PHF20L1: variants seen among roughly 807,000 people sequenced by gnomAD.
PHF20L1 encodes PHD finger protein 20-like protein 1.
Under a neutral mutation model 125.5 loss-of-function variants are expected in PHF20L1, and 44 were observed. The observed-to-expected ratio is 0.35, with a 90% confidence interval of 0.28 to 0.45. PHF20L1 has a LOEUF of 0.45. Ranked by LOEUF, PHF20L1 falls within the 20% of genes least tolerant of loss-of-function variation. PHF20L1 has a pLI of 1.00. For missense variants in PHF20L1, 1,012 were observed against 1,217.2 expected (o/e 0.83, Z 2.51); for synonymous variants, 380 against 403.1 (o/e 0.94, Z 0.69).
intron 2 of PHF20L1, 146 bp downstream of exon 2, chr8:132,778,057 C>A: frequency 1.7e-6 from 1 of 579,068 alleles, no homozygotes; most frequent in Non-Finnish European, 3.1e-6. Flanking sequence ...TTTTAGTTTT[C>A]CTACTCTTTA....
intron 2 of PHF20L1, among the ~76,000 whole-genome samples, chr8:132,791,414 C>A (rs1457157301): frequency 6.6e-6 from 1 of 151,910 alleles, no homozygotes; most frequent in Non-Finnish European, 1.5e-5. Flanking sequence ...CCACCATGGC[C>A]GGCAAATTTT....
intron 9 of PHF20L1, chr8:132,811,919 A>G: frequency 2.4e-5 from 23 of 977,192 alleles, no homozygotes; most frequent in Non-Finnish European, 2.8e-5. Context: ...CTAATAAAGA[A>G]GACTTTGAGT....
rs1319795722 is a variant in PHF20L1 at position 132,844,218 on chromosome 8, A to T, written c.2811A>T (p.Gly937=). ...ATAAAAAGGGCACCGAAGACCCAGG[A>T]GACTCACATCTTCAGTGGCAGCTCA... ...YNDKKGTEDP[G]DSHLQWQLNL... The change falls in exon 20 of 21, where the codon GGA becomes GGT. Residue 937 remains glycine, a synonymous_variant. Transcript: ENST00000395386. The T allele has an allele frequency of 6.2e-7, 1 of 1,612,886 alleles. No homozygotes were observed. The highest frequency in any genetic ancestry group is 1.3e-5 in the African/African-American group (1 of 74,856).
At chr8:132,836,438 ATGTTT>A in intron 15 of PHF20L1, 97 bp from the exon 16 acceptor site, 1 of 732,906 alleles carries the variant, frequency 1.4e-6, no homozygotes, top group Non-Finnish European at 2.2e-6. Context: ...CCTTTTTAAA[ATGTTT>A]AATAGCTTAT....
chr8:132,792,021 T>C (rs150966221), intron 2 of PHF20L1, among the ~76,000 whole-genome samples: 143 of 152,354 alleles, frequency 9.4e-4, no homozygotes, highest in African/African-American at 3.1e-3. Context: ...AAAATAAAGA[T>C]GTGTTTAACT....
At chr8:132,805,773 T>C (rs1031394381) in intron 8 of PHF20L1, among the ~76,000 whole-genome samples, 1 of 151,992 alleles carries the variant, frequency 6.6e-6, no homozygotes, top group Non-Finnish European at 1.5e-5. Flanking sequence ...ATATTGTTCA[T>C]CTAAGTGATT....
chr8:132,776,302 C>G (rs1260483409), intron 1 of PHF20L1, among the ~76,000 whole-genome samples: 1 of 152,100 alleles, frequency 6.6e-6, no homozygotes, highest in Non-Finnish European at 1.5e-5. Context: ...ATTATGGGCT[C>G]TAAGTTTGAT....
chr8:132,792,604 A>C (rs1303404699), intron 2 of PHF20L1, among the ~76,000 whole-genome samples: 1 of 152,200 alleles, frequency 6.6e-6, no homozygotes, highest in Non-Finnish European at 1.5e-5. Flanking sequence ...ACGCCTGCAG[A>C]CATTCCCGCC....
Position 132,814,789 on chromosome 8 carries a change from G to T in PHF20L1, c.1083G>T (p.Gly361=), listed in dbSNP as rs1413425605. ...KCKHESGDSS[G]CIKPPKSPLS... ...AACATGAATCTGGAGATTCTTCTGG[G>T]TGTATAAAACCCCCTAAATCACCAC... The change falls in exon 10 of 21, where the codon GGG becomes GGT. Residue 361 remains glycine (G), a synonymous_variant. Transcript: ENST00000395386. 3 of 1,612,768 alleles carry T rather than the reference G, an allele frequency of 1.9e-6. No homozygotes were observed. The highest frequency in any genetic ancestry group is 1.1e-5 in the South Asian group (1 of 91,026).
chr8:132,778,084 C>T (rs1048385708), intron 2 of PHF20L1, among the ~76,000 whole-genome samples, 173 bp downstream of exon 2: 32 of 152,054 alleles, frequency 2.1e-4, no homozygotes, highest in African/African-American at 7.0e-4. Context: ...TTAGGTTTAG[C>T]ATTTAAAAAC....
chr8:132,805,669 T>A (rs1036866848), intron 8 of PHF20L1, among the ~76,000 whole-genome samples: 1 of 151,948 alleles, frequency 6.6e-6, no homozygotes, highest in African/African-American at 2.4e-5. Context: ...TAGGAATACA[T>A]GTAAACTAAA....
At chr8:132,796,502 C>T (rs1832406653) in intron 4 of PHF20L1, among the ~76,000 whole-genome samples, 1 of 152,048 alleles carries the variant, frequency 6.6e-6, no homozygotes, top group Non-Finnish European at 1.5e-5. Context: ...TCATAGTAGT[C>T]TAGCTAGAAA....
At chr8:132,798,486 CATTT>C (rs1292102860) in intron 4 of PHF20L1, among the ~76,000 whole-genome samples, 3 of 152,074 alleles carry the variant, frequency 2.0e-5, no homozygotes, top group Non-Finnish European at 4.4e-5. Flanking sequence ...TGAGTCTAAA[CATTT>C]AAATTACTGC....
At chr8:132,835,407 C>T (rs1199686677) in intron 15 of PHF20L1, among the ~76,000 whole-genome samples, 10 of 152,118 alleles carry the variant, frequency 6.6e-5, no homozygotes, top group Admixed American at 6.6e-4. Context: ...GTTTTCCTAA[C>T]ATTTCTCCAT....
At position 132,805,095 on chromosome 8, in the gene PHF20L1, T is replaced by G. The variant is rs192851846; in HGVS notation, c.847+355T>G. Among the ~76,000 whole-genome samples the G allele has an allele frequency of 2.8e-4, 43 of 152,060 alleles. No homozygotes were observed. In the East Asian group the frequency reaches 8.3e-3, roughly 29 times the overall value. On this transcript the variant is annotated intron_variant, in intron 8 of 20. Coordinates refer to ENST00000395386, the MANE Select transcript of PHF20L1 (RefSeq NM_016018.5). ...ACACAGTTTCTCAGATTTTAAATTT[T>G]TTTATACATTCTTCTACTTGACCAG...
chr8:132,792,964 C>CTTTTT (rs370724463), intron 2 of PHF20L1, among the ~76,000 whole-genome samples: 1 of 129,636 alleles, frequency 7.7e-6, no homozygotes, highest in Non-Finnish European at 1.6e-5. Context: ...CCCCTTTTTT[C>CTTTTT]TTTTTTTTTT....
intron 15 of PHF20L1, 75 bp from the exon 16 acceptor site, chr8:132,836,465 A>G (rs946107330): frequency 1.0e-5 from 10 of 957,402 alleles, no homozygotes; most frequent in Non-Finnish European, 1.6e-5. Flanking sequence ...TTCACTTCTC[A>G]TAGCTCCTTT....
chr8:132,778,251 A>G (rs530684982), intron 2 of PHF20L1, among the ~76,000 whole-genome samples: 25 of 152,224 alleles, frequency 1.6e-4, no homozygotes, highest in African/African-American at 5.5e-4. Flanking sequence ...CAGAGAACCA[A>G]CTTCTCATGT....
intron 2 of PHF20L1, among the ~76,000 whole-genome samples, chr8:132,791,386 C>T (rs953549951): frequency 2.0e-5 from 3 of 151,526 alleles, no homozygotes; most frequent in Admixed American, 6.6e-5. Flanking sequence ...CCCGAGTAGC[C>T]GGGATTACAG....
Sources: gnomAD v4.1 joint callset for allele counts (sites outside exome capture counted in the v4.1 genomes callset) on GRCh38, gnomAD v4.1.1 for gene constraint, MANE v1.5 for transcripts, NCBI Gene and HGNC (gene_info 2026-07-23, HGNC 2026-07-21) for gene names.